The following ITCH variants were observed in gnomAD, a reference collection of about 807,000 sequenced individuals.
ITCH encodes the protein itchy E3 ubiquitin protein ligase.
In ITCH, 28 loss-of-function variants were observed where a neutral mutation model predicts 126.8. That is an observed-to-expected ratio of 0.22 (90% CI 0.16 to 0.30). The LOEUF is 0.30. Among genes scored for constraint, ITCH ranks in the 10% least tolerant of loss-of-function variants. The pLI is 1.00. For synonymous variants in ITCH, 342 were observed against 340.0 expected (o/e 1.01, Z -0.06); for missense variants, 631 against 1,032.4 (o/e 0.61, Z 5.33).
rs147122191 is a variant in ITCH at position 34,402,468 on chromosome 20, T to G, written c.71-6183T>G. On this transcript the variant is annotated intron_variant, in intron 3 of 24. Transcript: ENST00000374864. ...GAAAATGGAGAGATGGAGAGACCAC[T>G]GAAAAATAGACTAGAAATACATCTG... The G allele has an allele frequency of 9.0e-3, 6,906 of 767,148 alleles. 91 individuals are homozygous for G. Among genetic ancestry groups the G allele is most frequent in the East Asian group, 0.046 (1,896 of 40,850 alleles). The allele number at this position is 767,148 out of a possible 1,614,324, so 47.5% of individuals were successfully genotyped here. A position where few individuals can be genotyped will look rare whatever the true frequency, so the allele number is the denominator to read the frequency against.
intron 24 of ITCH, among the ~76,000 whole-genome samples, chr20:34,506,283 C>T (rs762039806): frequency 3.3e-5 from 5 of 152,140 alleles, no homozygotes; most frequent in South Asian, 4.1e-4. Context: ...AGGCTGGTCT[C>T]GACCTCTTGA....
chr20:34,480,564 G>A lies in ITCH; in HGVS notation c.1819-35G>A. 2.5e-6 allele frequency: 4 copies of A among 1,607,158 alleles called. No individual in the cohort carries two copies. The African/African-American group carries it at 4.0e-5, about 16-fold the overall frequency. On this transcript the variant is annotated intron_variant, in intron 18 of 24. Transcript: ENST00000374864. ...ATTGAAATAAAATGATTATTGTACA[G>A]TTATTTTAAGCGGTCTTGTTTCCTT...
intron 16 of ITCH, chr20:34,476,113 T>A (rs1988192870): frequency 2.3e-6 from 2 of 888,888 alleles, no homozygotes; most frequent in Non-Finnish European, 3.9e-6. Context: ...ATATATGTGA[T>A]CTTCAAAGAT....
At chr20:34,389,058 T>G (rs2038393884) in intron 2 of ITCH, among the ~76,000 whole-genome samples, 1 of 152,232 alleles carries the variant, frequency 6.6e-6, no homozygotes, top group Non-Finnish European at 1.5e-5. Flanking sequence ...CGTCAGTGCA[T>G]GCTCTGAAGT....
At chr20:34,373,159 A>T (rs544519697) in intron 2 of ITCH, among the ~76,000 whole-genome samples, 2 of 151,854 alleles carry the variant, frequency 1.3e-5, no homozygotes, top group Admixed American at 1.3e-4. Flanking sequence ...TTTTTACTAG[A>T]GATAGGGTTT....
intron 22 of ITCH, among the ~76,000 whole-genome samples, chr20:34,490,254 A>G (rs1244078520): frequency 1.3e-5 from 2 of 152,196 alleles, no homozygotes; most frequent in Non-Finnish European, 1.5e-5. Flanking sequence ...TAATTATATA[A>G]TGTTCAGAAG....
At chr20:34,374,933 GT>G (rs779108209) in intron 2 of ITCH, among the ~76,000 whole-genome samples, 8 of 150,222 alleles carry the variant, frequency 5.3e-5, no homozygotes, top group Non-Finnish European at 1.2e-4. Flanking sequence ...TAGAGATAGG[GT>G]TTCATCATTT....
At chr20:34,403,128 G>T (rs904949168) in intron 3 of ITCH, among the ~76,000 whole-genome samples, 2 of 152,012 alleles carry the variant, frequency 1.3e-5, no homozygotes, top group African/African-American at 4.8e-5. Context: ...TTGCTCAACT[G>T]GATTGATCTC....
intron 2 of ITCH, among the ~76,000 whole-genome samples, chr20:34,373,377 G>C (rs1272074148): frequency 1.3e-5 from 2 of 151,594 alleles, no homozygotes; most frequent in African/African-American, 4.9e-5. Flanking sequence ...CTGGGTTCAA[G>C]CCATTCTCCT....
At chr20:34,448,965 C>T (rs2088115423) in intron 11 of ITCH, among the ~76,000 whole-genome samples, 1 of 152,108 alleles carries the variant, frequency 6.6e-6, no homozygotes, top group South Asian at 2.1e-4. Flanking sequence ...CCCCAACTCT[C>T]TTCTCATAAT....
At chr20:34,395,993 G>A (rs2038659804) in intron 3 of ITCH, among the ~76,000 whole-genome samples, 1 of 150,382 alleles carries the variant, frequency 6.6e-6, no homozygotes, top group Non-Finnish European at 1.5e-5. Flanking sequence ...TGGAATCCAT[G>A]TTTATTAGCA....
chr20:34,458,928 C>T (rs1460054954), intron 13 of ITCH, among the ~76,000 whole-genome samples: 1 of 152,212 alleles, frequency 6.6e-6, no homozygotes, highest in Non-Finnish European at 1.5e-5. Flanking sequence ...GGACACAGTT[C>T]AACCCATAAC....
intron 10 of ITCH, among the ~76,000 whole-genome samples, chr20:34,442,700 G>A (rs768355172): frequency 3.4e-4 from 52 of 151,634 alleles, no homozygotes; most frequent in African/African-American, 9.7e-4. Flanking sequence ...TGGGCTGGGC[G>A]CAGTGGCTCA....
intron 11 of ITCH, among the ~76,000 whole-genome samples, chr20:34,446,911 T>G (rs1388784003): frequency 6.6e-6 from 1 of 152,218 alleles, no homozygotes; most frequent in African/African-American, 2.4e-5. Context: ...AATACAGATA[T>G]AAAATTGCCT....
At chr20:34,412,780 T>G in intron 5 of ITCH, 141 bp downstream of exon 5, 1 of 674,852 alleles carries the variant, frequency 1.5e-6, no homozygotes, top group Non-Finnish European at 2.5e-6. Context: ...ATAGAAGAAT[T>G]TTACACTATT....
At chr20:34,364,522 G>T (rs1018800853) in intron 1 of ITCH, among the ~76,000 whole-genome samples, 2 of 151,978 alleles carry the variant, frequency 1.3e-5, no homozygotes, top group African/African-American at 2.4e-5. Flanking sequence ...TCTCATGGCA[G>T]ATCTGCTGAG....
intron 23 of ITCH, among the ~76,000 whole-genome samples, chr20:34,497,567 GTTGTTT>G (rs539473450): frequency 5.3e-5 from 8 of 152,018 alleles, no homozygotes; most frequent in South Asian, 2.1e-4. Flanking sequence ...AATGTCATTG[GTTGTTT>G]TTGTTTTTGT....
At chr20:34,422,826 ACT>A (rs1381721229) in intron 6 of ITCH, among the ~76,000 whole-genome samples, 2 of 149,710 alleles carry the variant, frequency 1.3e-5, no homozygotes, top group African/African-American at 4.9e-5. Flanking sequence ...ACGGAGTTTC[ACT>A]CTGTCGCCCA....
intron 2 of ITCH, among the ~76,000 whole-genome samples, chr20:34,377,263 A>G (rs2037882255): frequency 6.6e-6 from 1 of 152,112 alleles, no homozygotes. Context: ...AGTCCTAGCT[A>G]CTTGGGAGGC....
Sources: gnomAD v4.1 joint callset for allele counts (sites outside exome capture counted in the v4.1 genomes callset) on GRCh38, gnomAD v4.1.1 for gene constraint, MANE v1.5 for transcripts, NCBI Gene and HGNC (gene_info 2026-07-23, HGNC 2026-07-21) for gene names.